FAM76A: variants seen among roughly 807,000 people sequenced by gnomAD.
The protein encoded by FAM76A is family with sequence similarity 76 member A.
Under a neutral mutation model 46.2 loss-of-function variants are expected in FAM76A, and 32 were observed. The ratio of observed to expected loss-of-function variants is 0.69; its 90% CI spans 0.52 to 0.93. The LOEUF is 0.93. Among genes scored for constraint, FAM76A ranks in the 40% least tolerant of loss-of-function variants. The pLI is 0.00. For synonymous variants in FAM76A, 137 were observed against 127.0 expected (o/e 1.08, Z -0.53); for missense variants, 274 against 361.5 (o/e 0.76, Z 1.96).
intron 2 of FAM76A, among the ~76,000 whole-genome samples, chr1:27,728,053 G>A (rs887142396): frequency 6.6e-6 from 1 of 151,992 alleles, no homozygotes; most frequent in Non-Finnish European, 1.5e-5. Flanking sequence ...TGATCCACCC[G>A]CCTCAGCCTC....
intron 6 of FAM76A, among the ~76,000 whole-genome samples, chr1:27,754,015 C>T (rs985113461): frequency 3.3e-5 from 5 of 151,728 alleles, no homozygotes; most frequent in African/African-American, 7.3e-5. Flanking sequence ...TATGGATCCT[C>T]ACTCTAAAAA....
intron 2 of FAM76A, among the ~76,000 whole-genome samples, chr1:27,729,028 A>G (rs1013011233): frequency 2.0e-5 from 3 of 149,980 alleles, no homozygotes; most frequent in Non-Finnish European, 4.4e-5. Context: ...GCATTTCCAT[A>G]GCAACAAAGT....
At chr1:27,744,520 CT>C (rs2088208555) in intron 4 of FAM76A, 133 bp from the exon 5 acceptor site, 1 of 849,276 alleles carries the variant, frequency 1.2e-6, no homozygotes, top group South Asian at 1.6e-5. Context: ...TAGCAGCCCC[CT>C]GTGACATGCC....
chr1:27,727,512 G>T lies in FAM76A; in HGVS notation c.122G>T (p.Cys41Phe). ...CACCCTGTTGTGAAGTGCACCTACT[G>T]CAGGACTGAGTACCAGCAGGAGAGG... ...IAHPVVKCTY[C>F]RTEYQQESKT... The change falls in exon 2 of 9, where the codon TGC becomes TTC. Residue 41 changes from cysteine (C) to phenylalanine (F), a missense_variant. Transcript: ENST00000373954. 3 of 1,613,768 alleles carry T rather than the reference G, an allele frequency of 1.9e-6. No homozygotes were observed. Among genetic ancestry groups the T allele is most frequent in the Non-Finnish European group, 2.5e-6 (3 of 1,179,716 alleles).
Position 27,732,587 on chromosome 1 carries a change from C to T in FAM76A, c.147-16C>T, listed in dbSNP as rs1232586850. 1 of 1,601,292 alleles carries T rather than the reference C, an allele frequency of 6.2e-7. No individual in the cohort carries two copies. The highest frequency in any genetic ancestry group is 8.5e-7 in the Non-Finnish European group (1 of 1,170,632). On this transcript the variant is annotated splice_polypyrimidine_tract_variant and intron_variant, in intron 2 of 8. Transcript: ENST00000373954. ...GATATTCTAAGAAAAGCCTGTGTCT[C>T]TTTCTTCCTTAACAGTAAAACCAAT...
At chr1:27,741,423 G>C (rs1445107989) in intron 4 of FAM76A, among the ~76,000 whole-genome samples, 1 of 151,942 alleles carries the variant, frequency 6.6e-6, no homozygotes, top group South Asian at 2.1e-4. Flanking sequence ...GCCTTCCAAA[G>C]TGCTGGGATT....
intron 4 of FAM76A, among the ~76,000 whole-genome samples, chr1:27,735,578 C>T (rs145291919): frequency 1.3e-5 from 2 of 152,302 alleles, no homozygotes; most frequent in Non-Finnish European, 2.9e-5. Flanking sequence ...GACCAGGATA[C>T]TCCTGCCTGC....
chr1:27,736,259 T>C (rs946249325), intron 4 of FAM76A, among the ~76,000 whole-genome samples: 1 of 151,960 alleles, frequency 6.6e-6, no homozygotes, highest in Non-Finnish European at 1.5e-5. Context: ...GAGGCAGAGG[T>C]TGCAGTGAGC....
At chr1:27,727,656 T>A in intron 2 of FAM76A, 120 bp downstream of exon 2, 1 of 734,190 alleles carries the variant, frequency 1.4e-6, no homozygotes, top group South Asian at 1.6e-5. Context: ...AGATCTGTAA[T>A]CAATCACATT....
At chr1:27,740,286 G>T in intron 4 of FAM76A, 3 of 779,558 alleles carry the variant, frequency 3.8e-6, no homozygotes, top group East Asian at 5.3e-5. Flanking sequence ...TGGGATGAAG[G>T]TTGGCCTTAC....
At chr1:27,738,245 A>G (rs2088090121) in intron 4 of FAM76A, among the ~76,000 whole-genome samples, 1 of 152,006 alleles carries the variant, frequency 6.6e-6, no homozygotes, top group Admixed American at 6.6e-5. Flanking sequence ...TAATCCCAGC[A>G]CTTTAGAAGG....
intron 1 of FAM76A, among the ~76,000 whole-genome samples, chr1:27,727,232 A>G (rs2087875807): frequency 6.6e-6 from 1 of 152,158 alleles, no homozygotes; most frequent in Non-Finnish European, 1.5e-5. Context: ...GTTCATATAT[A>G]TGTTTGTTTT....
Position 27,725,989 on chromosome 1 carries a change from G to C in FAM76A, c.-92G>C. ...TGCGCCCGCCCGCCTGCCGCAGCCA[G>C]CAGCCTGCAGCCGCCGCCGGGTTGT... On this transcript the variant is annotated 5_prime_UTR_variant, in exon 1 of 9. Coordinates refer to ENST00000373954, the MANE Select transcript of FAM76A (RefSeq NM_152660.3). 5.7e-6 allele frequency: 6 copies of C among 1,052,954 alleles called. No homozygotes were observed. Among genetic ancestry groups the C allele is most frequent in the Non-Finnish European group, 7.2e-6 (6 of 830,074 alleles). 65.2% of individuals were successfully genotyped at this position (1,052,954 alleles called of 1,614,324 possible).
intron 4 of FAM76A, among the ~76,000 whole-genome samples, chr1:27,743,625 C>T (rs903457775): frequency 6.6e-6 from 1 of 152,128 alleles, no homozygotes; most frequent in Admixed American, 6.6e-5. Context: ...ATTAGCCACA[C>T]ATGGTGGTGC....
chr1:27,748,274 C>T (rs1050909744), intron 5 of FAM76A, among the ~76,000 whole-genome samples: 16 of 150,994 alleles, frequency 1.1e-4, no homozygotes, highest in African/African-American at 3.4e-4. Context: ...TACAGGTGCC[C>T]GCTACCACAC....
chr1:27,753,957 C>A (rs1187111845), intron 6 of FAM76A, among the ~76,000 whole-genome samples: 1 of 152,094 alleles, frequency 6.6e-6, no homozygotes, highest in Non-Finnish European at 1.5e-5. Context: ...GGCAGTGATT[C>A]CTTAACTTGC....
intron 4 of FAM76A, among the ~76,000 whole-genome samples, chr1:27,735,956 C>A (rs1043570576): frequency 1.3e-5 from 2 of 152,150 alleles, no homozygotes; most frequent in African/African-American, 4.8e-5. Flanking sequence ...AATCCTGTCT[C>A]AAGTATTTAG....
chr1:27,744,583 G>C, intron 4 of FAM76A, 71 bp from the exon 5 acceptor site: 1 of 1,534,666 alleles, frequency 6.5e-7, no homozygotes, highest in South Asian at 1.2e-5. Context: ...AAAGATTCTA[G>C]CTCCCAATAC....
intron 1 of FAM76A, among the ~76,000 whole-genome samples, chr1:27,726,632 T>C (rs1342485506): frequency 6.6e-6 from 1 of 151,912 alleles, no homozygotes. Flanking sequence ...GGCTTGATTT[T>C]TTTTTTTTTT....
Sources: allele counts gnomAD v4.1 joint callset (sites outside exome capture counted in the v4.1 genomes callset), GRCh38; gene constraint gnomAD v4.1.1; transcripts MANE v1.5; gene names NCBI Gene and HGNC (gene_info 2026-07-23, HGNC 2026-07-21).